Variants in SLC4A8 observed in about 807,000 individuals in gnomAD.
The protein encoded by SLC4A8 is solute carrier family 4 member 8, also known as electroneutral sodium bicarbonate exchanger 1.
SLC4A8 carries 40 observed loss-of-function variants against 125.0 expected under a neutral mutation model. The ratio of observed to expected loss-of-function variants is 0.32; its 90% CI spans 0.25 to 0.42. The LOEUF (loss-of-function observed/expected upper bound fraction) is 0.42, where lower values mean the gene tolerates loss of function less well. Among genes scored for constraint, SLC4A8 ranks in the 10% least tolerant of loss-of-function variants. The pLI is 1.00. For missense variants in SLC4A8, 863 were observed against 1,355.1 expected, an observed-to-expected ratio of 0.64 and a Z score of 5.70; for synonymous variants, 456 against 476.0, an observed-to-expected ratio of 0.96 and a Z score of 0.55.
At chr12:51,490,973 G>A (rs1193487528) in intron 19 of SLC4A8, among the ~76,000 whole-genome samples, 1 of 152,194 alleles carries the variant, frequency 6.6e-6, no homozygotes, top group South Asian at 2.1e-4. Flanking sequence ...AGATAAAAAC[G>A]CATGGCTTCT....
intron 11 of SLC4A8, 106 bp downstream of exon 11, chr12:51,463,820 A>G (rs2138259037): frequency 1.4e-6 from 1 of 718,352 alleles, no homozygotes. Context: ...GTGGGAATTT[A>G]TTGGCTGAAG....
chr12:51,470,883 T>TG (rs975470239), intron 13 of SLC4A8, among the ~76,000 whole-genome samples: 17 of 151,900 alleles, frequency 1.1e-4, no homozygotes, highest in African/African-American at 1.9e-4. Flanking sequence ...TGTTTTGTTT[T>TG]TTTGCTATTG....
intron 2 of SLC4A8, 57 bp downstream of exon 2, chr12:51,440,846 G>A (rs1164093022): frequency 7.1e-7 from 1 of 1,407,878 alleles, no homozygotes; most frequent in Non-Finnish European, 9.8e-7. Flanking sequence ...CCTGGTGTGG[G>A]AAGACCTGGC....
intron 16 of SLC4A8, among the ~76,000 whole-genome samples, chr12:51,482,930 T>C (rs1381289926): frequency 6.6e-6 from 1 of 152,210 alleles, no homozygotes; most frequent in Non-Finnish European, 1.5e-5. Flanking sequence ...AGCCCCAAAC[T>C]GTCTTCCCTC....
chr12:51,448,305 A>G (rs1004829974), intron 2 of SLC4A8, among the ~76,000 whole-genome samples: 3 of 152,120 alleles, frequency 2.0e-5, no homozygotes, highest in Non-Finnish European at 2.9e-5. Context: ...ACGGTGAGGG[A>G]GAAAGGGAAT....
chr12:51,451,817 T>G (rs1949984284), intron 3 of SLC4A8, among the ~76,000 whole-genome samples: 1 of 151,832 alleles, frequency 6.6e-6, no homozygotes, highest in Non-Finnish European at 1.5e-5. Context: ...ACTTCACAGT[T>G]CTGACCCCCT....
Position 51,471,496 on chromosome 12 carries a change from A to G in SLC4A8, c.1868A>G (p.His623Arg). The G allele has an allele frequency of 6.2e-7, 1 of 1,614,168 alleles. No individual in the cohort carries two copies. Among genetic ancestry groups the G allele is most frequent in the South Asian group, 1.1e-5 (1 of 91,080 alleles). ...LIHLAETYPI[H>R]MHSQLDHLSL... ...CACCTGGCAGAGACCTACCCCATCCACATGCACAGCCAGCTGGACCACCTT... is the reference window on the plus strand; with the variant it reads ...CACCTGGCAGAGACCTACCCCATCCGCATGCACAGCCAGCTGGACCACCTT... The change falls in exon 14 of 25, where the codon CAC becomes CGC. Residue 623 changes from histidine (H) to arginine (R), a missense_variant. This residue lies in a region of SLC4A8 where 76 missense variants were observed against 80.2 expected (regional missense o/e 0.95). Coordinates refer to ENST00000453097, the MANE Select transcript of SLC4A8 (RefSeq NM_001039960.3).
chr12:51,409,710 C>T (rs539011667), intron 1 of SLC4A8, among the ~76,000 whole-genome samples: 2 of 152,060 alleles, frequency 1.3e-5, no homozygotes, highest in African/African-American at 2.4e-5. Context: ...CCACTGCACC[C>T]CTGATTTTTA....
At chr12:51,462,067 A>T (rs984794884) in intron 9 of SLC4A8, 3 of 465,584 alleles carry the variant, frequency 6.4e-6, no homozygotes, top group Non-Finnish European at 1.2e-5. Flanking sequence ...CTTTAGACTC[A>T]TGTCTTATCT....
At chr12:51,406,569 AC>A (rs368832093) in intron 1 of SLC4A8, among the ~76,000 whole-genome samples, 6 of 152,330 alleles carry the variant, frequency 3.9e-5, no homozygotes, top group African/African-American at 1.4e-4. Flanking sequence ...AGGTGACATG[AC>A]CTGGTTTGTA....
At chr12:51,427,064 G>T (rs1034570166) in intron 1 of SLC4A8, among the ~76,000 whole-genome samples, 5 of 151,608 alleles carry the variant, frequency 3.3e-5, no homozygotes, top group Non-Finnish European at 7.4e-5. Flanking sequence ...TCGGTCTCCG[G>T]AGTAGCTGCG....
Position 51,509,050 on chromosome 12 carries a change from A to C in SLC4A8, c.*1612A>C, listed in dbSNP as rs1938275008. 6.5e-6 allele frequency: 1 copy of C among 152,684 alleles called. No homozygotes were observed. The highest frequency in any genetic ancestry group is 6.5e-5 in the Admixed American group (1 of 15,286). 9.5% of individuals were successfully genotyped at this position (152,684 alleles called of 1,614,324 possible). A position where few individuals can be genotyped will look rare whatever the true frequency, so the allele number is the denominator to read the frequency against. On this transcript the variant is annotated 3_prime_UTR_variant, in exon 25 of 25. Transcript: ENST00000453097. Reference sequence around the variant, plus strand: ...ATTTTAATACAGAGATGATTTTCAAAATATTTTAACAACTGGTACAGGACA... The same window carrying C: ...ATTTTAATACAGAGATGATTTTCAACATATTTTAACAACTGGTACAGGACA...
chr12:51,488,940 A>G (rs1007332513), intron 18 of SLC4A8, 80 bp downstream of exon 18: 1 of 1,089,830 alleles, frequency 9.2e-7, no homozygotes, highest in Admixed American at 2.2e-5. Context: ...GCACATCTAG[A>G]CCAGAAATTG....
At chr12:51,460,484 C>G (rs1269526091) in intron 8 of SLC4A8, among the ~76,000 whole-genome samples, 1 of 152,152 alleles carries the variant, frequency 6.6e-6, no homozygotes, top group Non-Finnish European at 1.5e-5. Context: ...ATTTCTAAGG[C>G]TATGACTGCA....
At chr12:51,431,578 G>C (rs1233194024) in intron 1 of SLC4A8, among the ~76,000 whole-genome samples, 3 of 152,080 alleles carry the variant, frequency 2.0e-5, no homozygotes, top group Non-Finnish European at 4.4e-5. Flanking sequence ...GAGGAAGTCT[G>C]GAACAGCTGC....
chr12:51,426,539 C>G (rs1948987080), intron 1 of SLC4A8, among the ~76,000 whole-genome samples: 1 of 152,062 alleles, frequency 6.6e-6, no homozygotes. Context: ...GAAGATTTTG[C>G]TAAGGAAGAA....
intron 2 of SLC4A8, among the ~76,000 whole-genome samples, chr12:51,446,692 A>G (rs958194199): frequency 1.3e-5 from 2 of 152,226 alleles, no homozygotes; most frequent in African/African-American, 4.8e-5. Flanking sequence ...TCCTAAACAC[A>G]TTCACTTTGG....
At chr12:51,468,034 T>C (rs1175647048) in intron 11 of SLC4A8, among the ~76,000 whole-genome samples, 4 of 152,244 alleles carry the variant, frequency 2.6e-5, no homozygotes, top group Non-Finnish European at 5.9e-5. Flanking sequence ...GGTTATTATG[T>C]TCCCATTCTG....
chr12:51,435,343 G>T (rs1592177849), intron 1 of SLC4A8, among the ~76,000 whole-genome samples: 1 of 152,064 alleles, frequency 6.6e-6, no homozygotes, highest in East Asian at 1.9e-4. Flanking sequence ...CTACTCTGTG[G>T]TACCACTCTA....
Sources: gnomAD v4.1 joint callset for allele counts (sites outside exome capture counted in the v4.1 genomes callset) on GRCh38, gnomAD v4.1.1 for gene constraint, gnomAD v4.1.1 regional missense constraint, MANE v1.5 for transcripts, NCBI Gene and HGNC (gene_info 2026-07-23, HGNC 2026-07-21) for gene names.